Variants in SULT1C2 observed in about 807,000 individuals in gnomAD.
SULT1C2 encodes sulfotransferase 1C2.
In SULT1C2, 27 loss-of-function variants were observed where a neutral mutation model predicts 36.0. The ratio of observed to expected loss-of-function variants is 0.75; its 90% CI spans 0.55 to 1.03. SULT1C2 has a LOEUF of 1.03. SULT1C2 is among the 50% of genes least tolerant of loss of function. SULT1C2 has a pLI of 0.00. For synonymous variants in SULT1C2, 121 were observed against 116.0 expected (o/e 1.04, Z -0.27); for missense variants, 395 against 359.2 (o/e 1.10, Z -0.80).
rs571138407 is a variant in SULT1C2 at position 108,308,822 on chromosome 2, T to C, written c.*358T>C. ...CTTGAGTATAAGTCCAAATATTAGGTTATATCTATATTAAAAACAAAATTT... is the reference window on the plus strand; with the variant it reads ...CTTGAGTATAAGTCCAAATATTAGGCTATATCTATATTAAAAACAAAATTT... On this transcript the variant is annotated 3_prime_UTR_variant, in exon 8 of 8. Coordinates refer to ENST00000251481, the MANE Select transcript of SULT1C2 (RefSeq NM_001056.4). 1.9e-3 allele frequency: 328 copies of C among 169,686 alleles called. No homozygotes were observed. Among genetic ancestry groups the C allele is most frequent in the African/African-American group, 7.5e-3 (318 of 42,136 alleles). 10.5% of individuals were successfully genotyped at this position (169,686 alleles called of 1,614,324 possible). A position where few individuals can be genotyped will look rare whatever the true frequency, so the allele number is the denominator to read the frequency against.
At position 108,308,355 on chromosome 2, in the gene SULT1C2, C is replaced by G; in HGVS notation, c.782C>G (p.Thr261Ser). Reference protein sequence around the residue: ...QSISSFMRKGTVGDWKNHFTV... With the variant: ...QSISSFMRKGSVGDWKNHFTV... ...TGTCTGGCCTTCCTTTTTCTAGGAA[C>G]TGTGGGGGATTGGAAAAACCACTTC... Residue 261 changes from threonine (T) to serine (S), a missense_variant, in exon 8 of 8, where the codon ACT (threonine) becomes AGT (serine). Thr to Ser is a moderately conservative substitution (Grantham distance 58). Transcript: ENST00000251481. The G allele has an allele frequency of 6.2e-7, 1 of 1,605,686 alleles. No homozygotes were observed. Among genetic ancestry groups the G allele is most frequent in the Non-Finnish European group, 8.5e-7 (1 of 1,177,772 alleles).
At position 108,304,618 on chromosome 2, in the gene SULT1C2, CT is replaced by C. The variant is rs1339650535; in HGVS notation, c.421del (p.Tyr141ThrfsTer6). 6.2e-7 allele frequency: 1 copy of C among 1,613,634 alleles called. No homozygotes were observed. The highest frequency in any genetic ancestry group is 1.3e-5 in the African/African-American group (1 of 74,922). On this transcript the variant is annotated frameshift_variant, in exon 5 of 8. Transcript: ENST00000251481. LOFTEE classifies it high-confidence loss of function. ...ATGCCAAAGACTGTATGGTTTCCTA[CT>C]ACCATTTCCAAAGGATGAACCACAT... Reference protein sequence around the residue: ...RNAKDCMVSYYHFQRMNHMLP... With the variant: ...RNAKDCMVSYXHFQRMNHMLP...
chr2:108,300,896 T>C lies in SULT1C2; in HGVS notation c.336T>C (p.Thr112=), dbSNP rs760620278. Residue 112 remains threonine (T), a synonymous_variant, in exon 4 of 8, where the codon ACT becomes ACC. Coordinates refer to ENST00000251481, the MANE Select transcript of SULT1C2 (RefSeq NM_001056.4). ...GGATACTAAAGACTCACCTTTCCAC[T>C]CAGCTGCTGCCACCGTCTTTCTGGG... ...SPRILKTHLS[T]QLLPPSFWEN... is the part of the protein sequence containing the mutation. The C allele has an allele frequency of 1.2e-6, 2 of 1,614,092 alleles. No individual in the cohort carries two copies. Among genetic ancestry groups the C allele is most frequent in the Non-Finnish European group, 1.7e-6 (2 of 1,180,026 alleles).
chr2:108,301,072 TAA>T, intron 4 of SULT1C2, 137 bp downstream of exon 4: 2 of 1,129,534 alleles, frequency 1.8e-6, no homozygotes, highest in Non-Finnish European at 2.5e-6. Flanking sequence ...AGAGAAAACA[TAA>T]AGTTCTACAT....
Position 108,308,348 on chromosome 2 carries a change from C to G in SULT1C2, c.779-4C>G, listed in dbSNP as rs753598557. ...ACACTCCTGTCTGGCCTTCCTTTTT[C>G]TAGGAACTGTGGGGGATTGGAAAAA... On this transcript the variant is annotated splice_region_variant and splice_polypyrimidine_tract_variant and intron_variant, in intron 7 of 7. Transcript: ENST00000251481. 6.2e-7 allele frequency: 1 copy of G among 1,601,136 alleles called. No individual in the cohort carries two copies. Among genetic ancestry groups the G allele is most frequent in the South Asian group, 1.1e-5 (1 of 88,460 alleles).
At chr2:108,305,919 CA>C (rs1677013520) in intron 7 of SULT1C2, among the ~76,000 whole-genome samples, 1 of 152,198 alleles carries the variant, frequency 6.6e-6, no homozygotes, top group East Asian at 1.9e-4. Flanking sequence ...CCAGACCTCC[CA>C]GGGGCCGCTG....
chr2:108,292,619 AAAC>A (rs1210299760), intron 1 of SULT1C2, among the ~76,000 whole-genome samples: 1 of 152,180 alleles, frequency 6.6e-6, no homozygotes, highest in African/African-American at 2.4e-5. Context: ...AAAACACAAG[AAAC>A]AACAAGTGTT....
intron 1 of SULT1C2, among the ~76,000 whole-genome samples, 181 bp from the exon 2 acceptor site, chr2:108,293,466 G>C (rs996436518): frequency 1.3e-5 from 2 of 152,162 alleles, no homozygotes; most frequent in African/African-American, 4.8e-5. Flanking sequence ...AATAGATACA[G>C]AGTTTCTGTC....
chr2:108,305,054 C>T lies in SULT1C2; in HGVS notation c.503-118C>T, dbSNP rs899141511. 5 of 1,110,250 alleles carry T rather than the reference C, an allele frequency of 4.5e-6. No individual in the cohort carries two copies. The African/African-American group carries it at 4.6e-5, about 10-fold the overall frequency. 68.8% of individuals were successfully genotyped at this position (1,110,250 alleles called of 1,614,324 possible). On this transcript the variant is annotated intron_variant, in intron 5 of 7. Coordinates refer to ENST00000251481, the MANE Select transcript of SULT1C2 (RefSeq NM_001056.4). ...ATCAAACAGATCAGAACCCTTAGGA[C>T]ATATCTAATACAGAATTTGGGTTTT... is the stretch of plus-strand genomic sequence containing the variant.
intron 4 of SULT1C2, chr2:108,304,272 G>A (rs1676963680): frequency 4.4e-6 from 1 of 224,736 alleles, no homozygotes; most frequent in Non-Finnish European, 8.7e-6. Flanking sequence ...TATTCAAGTG[G>A]CAGGTCATAG....
In SULT1C2 at chr2:108,293,823, T is replaced by C; in HGVS notation, c.151+5T>C. 3.1e-6 allele frequency: 5 copies of C among 1,613,466 alleles called. No homozygotes were observed. The highest frequency in any genetic ancestry group is 4.2e-6 in the Non-Finnish European group (5 of 1,179,798). ...TCTGCACCTACCCTAAAGCAGGTGA[T>C]TGCAGGGTAGGAGGGACAGCAAAGA... On this transcript the variant is annotated splice_donor_5th_base_variant and intron_variant, in intron 2 of 7. Transcript: ENST00000251481.
intron 1 of SULT1C2, 124 bp from the exon 2 acceptor site, chr2:108,293,523 C>T: frequency 5.7e-6 from 5 of 884,410 alleles, no homozygotes; most frequent in Non-Finnish European, 7.9e-6. Flanking sequence ...AATGGTTGCA[C>T]AACAATGTGA....
chr2:108,293,848 A>T, intron 2 of SULT1C2, 30 bp downstream of exon 2: 1 of 1,606,864 alleles, frequency 6.2e-7, no homozygotes, highest in Non-Finnish European at 8.5e-7. Context: ...GACAGCAAAG[A>T]CCTGCTGAGC....
chr2:108,289,073 A>G lies in SULT1C2; in HGVS notation c.-22+3A>G, dbSNP rs1366331772. 6.6e-6 allele frequency: 1 copy of G among 152,650 alleles called. No individual in the cohort carries two copies. The highest frequency in any genetic ancestry group is 1.5e-5 in the Non-Finnish European group (1 of 68,026). The allele number at this position is 152,650 out of a possible 1,614,324, so 9.5% of individuals were successfully genotyped here. On this transcript the variant is annotated splice_donor_region_variant and intron_variant, in intron 1 of 7. Transcript: ENST00000251481. ...TGACTTTCAGCTGGAACTTGAAGGTAAGAATATGGCTTAAAAGAAATTCTG... is the reference window on the plus strand; with the variant it reads ...TGACTTTCAGCTGGAACTTGAAGGTGAGAATATGGCTTAAAAGAAATTCTG...
Position 108,309,398 on chromosome 2 carries a change from G to T in SULT1C2, c.*934G>T, listed in dbSNP as rs1261974958. ...ATTTACTCCTAGTACCTAATGCAGTGCCTGGCACACAGCAAGTGCCCTTGA... is the reference window on the plus strand; with the variant it reads ...ATTTACTCCTAGTACCTAATGCAGTTCCTGGCACACAGCAAGTGCCCTTGA... On this transcript the variant is annotated 3_prime_UTR_variant, in exon 8 of 8. Coordinates refer to ENST00000251481, the MANE Select transcript of SULT1C2 (RefSeq NM_001056.4). 1 of 152,190 alleles carries T rather than the reference G, an allele frequency of 6.6e-6. No individual in the cohort carries two copies. Among genetic ancestry groups the T allele is most frequent in the Non-Finnish European group, 1.5e-5 (1 of 68,050 alleles). The allele number at this position is 152,190 out of a possible 1,614,324, so 9.4% of individuals were successfully genotyped here.
intron 4 of SULT1C2, chr2:108,302,433 T>C (rs1278497047): frequency 1.3e-5 from 2 of 152,194 alleles, no homozygotes; most frequent in Non-Finnish European, 2.9e-5. Context: ...GATTGAAAAT[T>C]GCACTCCTTG....
chr2:108,296,214 TAGC>T (rs1249104496), intron 3 of SULT1C2, among the ~76,000 whole-genome samples: 1 of 152,198 alleles, frequency 6.6e-6, no homozygotes, highest in Admixed American at 6.5e-5. Flanking sequence ...GAAGTATTCT[TAGC>T]AGTAGAGAGC....
chr2:108,298,128 G>A (rs1185365336), intron 3 of SULT1C2, among the ~76,000 whole-genome samples: 1 of 152,232 alleles, frequency 6.6e-6, no homozygotes, highest in Non-Finnish European at 1.5e-5. Context: ...GCTTGGGATT[G>A]ACAGTCCAAC....
At chr2:108,297,822 GA>G (rs1462812210) in intron 3 of SULT1C2, among the ~76,000 whole-genome samples, 1 of 134,638 alleles carries the variant, frequency 7.4e-6, no homozygotes, top group Non-Finnish European at 1.8e-5. Flanking sequence ...TTTTTTGGCA[GA>G]AAAATTTGGA....
Sources: gnomAD v4.1 joint callset for allele counts (sites outside exome capture counted in the v4.1 genomes callset) on GRCh38, gnomAD v4.1.1 for gene constraint, MANE v1.5 for transcripts, NCBI Gene and HGNC (gene_info 2026-07-23, HGNC 2026-07-21) for gene names.